LHFPL3: variants seen among roughly 807,000 people sequenced by gnomAD.
LHFPL3 encodes LHFPL tetraspan subfamily member 3.
In LHFPL3, 5 loss-of-function variants were observed where a neutral mutation model predicts 19.3. The ratio of observed to expected loss-of-function variants is 0.26; its 90% CI spans 0.14 to 0.54. LHFPL3 has a LOEUF of 0.54. Among genes scored for constraint, LHFPL3 ranks in the 20% least tolerant of loss-of-function variants. The probability of loss-of-function intolerance (pLI) is 0.94; values close to 1 mark genes in which losing one functional copy is unlikely to be tolerated. For synonymous variants in LHFPL3, 133 were observed against 126.2 expected (o/e 1.05, Z -0.36); for missense variants, 249 against 307.4 (o/e 0.81, Z 1.42).
intron 1 of LHFPL3, among the ~76,000 whole-genome samples, chr7:104,703,493 C>G (rs1184624816): frequency 2.0e-5 from 3 of 152,184 alleles, no homozygotes; most frequent in African/African-American, 7.2e-5. Flanking sequence ...TGGATATCAT[C>G]TTTTGTCAGT....
chr7:104,383,482 G>A (rs1044741731), intron 1 of LHFPL3, among the ~76,000 whole-genome samples: 6 of 152,128 alleles, frequency 3.9e-5, no homozygotes, highest in Admixed American at 2.6e-4. Flanking sequence ...CAAGATCTTC[G>A]GTTTAACAAG....
intron 1 of LHFPL3, among the ~76,000 whole-genome samples, chr7:104,499,459 C>T (rs1793554969): frequency 6.6e-6 from 1 of 152,204 alleles, no homozygotes; most frequent in Non-Finnish European, 1.5e-5. Context: ...TGACCGAGCT[C>T]TTATATTCAA....
intron 1 of LHFPL3, among the ~76,000 whole-genome samples, chr7:104,620,905 C>A (rs182365373): frequency 1.3e-5 from 2 of 152,324 alleles, no homozygotes; most frequent in Admixed American, 6.5e-5. Context: ...GCTGGAGAAC[C>A]AGTTTTGTTT....
At chr7:104,431,051 C>T (rs1325581541) in intron 1 of LHFPL3, among the ~76,000 whole-genome samples, 2 of 152,208 alleles carry the variant, frequency 1.3e-5, no homozygotes, top group Admixed American at 6.5e-5. Flanking sequence ...TGCTCAATTC[C>T]TTCTTATGTA....
At chr7:104,746,455 TG>T (rs1357166226) in intron 2 of LHFPL3, among the ~76,000 whole-genome samples, 1 of 152,200 alleles carries the variant, frequency 6.6e-6, no homozygotes, top group Non-Finnish European at 1.5e-5. Flanking sequence ...TTAACTCCCT[TG>T]TTTTACTGAT....
intron 1 of LHFPL3, among the ~76,000 whole-genome samples, chr7:104,535,227 C>T (rs1165336739): frequency 6.6e-6 from 1 of 152,176 alleles, no homozygotes; most frequent in East Asian, 1.9e-4. Context: ...GGTATTATTT[C>T]ACGTCTCTGG....
intron 1 of LHFPL3, among the ~76,000 whole-genome samples, chr7:104,504,738 T>G (rs1793663927): frequency 6.6e-6 from 1 of 152,236 alleles, no homozygotes; most frequent in Non-Finnish European, 1.5e-5. Context: ...TCTGCCTTAC[T>G]GATGAGACAA....
intron 1 of LHFPL3, among the ~76,000 whole-genome samples, chr7:104,374,456 G>T (rs753461301): frequency 1.2e-4 from 19 of 152,018 alleles, no homozygotes; most frequent in Non-Finnish European, 2.2e-4. Flanking sequence ...TGGCCAGAAT[G>T]GTCTCAATCT....
At chr7:104,401,039 A>C (rs1791303340) in intron 1 of LHFPL3, among the ~76,000 whole-genome samples, 1 of 152,344 alleles carries the variant, frequency 6.6e-6, no homozygotes, top group Non-Finnish European at 1.5e-5. Context: ...GTCAGCTATA[A>C]GGAATGGCCT....
In LHFPL3 at chr7:104,448,827, G is replaced by A. The variant is rs1039892208; in HGVS notation, c.445+119603G>A. 2.6e-5 allele frequency among the ~76,000 whole-genome samples: 4 copies of A among 152,168 alleles called. No individual in the cohort carries two copies. The East Asian group carries it at 5.8e-4, about 22-fold the overall frequency. ...ATGATTTTATAATGTTTAGGCCCTG[G>A]AAAAAATGTTTACTTGATCATTTTA... On this transcript the variant is annotated intron_variant, in intron 1 of 2. Coordinates refer to ENST00000424859, the MANE Select transcript of LHFPL3 (RefSeq NM_199000.3).
chr7:104,355,040 T>C (rs1244949029), intron 1 of LHFPL3, among the ~76,000 whole-genome samples: 1 of 152,206 alleles, frequency 6.6e-6, no homozygotes, highest in Non-Finnish European at 1.5e-5. Flanking sequence ...TTTATGCAAG[T>C]GAATTTTTGT....
chr7:104,435,329 T>A (rs1427244423), intron 1 of LHFPL3, among the ~76,000 whole-genome samples: 2 of 151,882 alleles, frequency 1.3e-5, no homozygotes, highest in African/African-American at 4.8e-5. Context: ...TTATTGTTAT[T>A]TGTTAGACAC....
chr7:104,549,065 T>G (rs1794622419), intron 1 of LHFPL3, among the ~76,000 whole-genome samples: 1 of 151,934 alleles, frequency 6.6e-6, no homozygotes, highest in African/African-American at 2.4e-5. Context: ...CCTCTACAGG[T>G]TGAGATAGGA....
chr7:104,583,467 A>G (rs1269925879), intron 1 of LHFPL3, among the ~76,000 whole-genome samples: 2 of 152,190 alleles, frequency 1.3e-5, no homozygotes, highest in Non-Finnish European at 2.9e-5. Context: ...AATGGGATCT[A>G]ATTAAACTAA....
chr7:104,905,747 C>T (rs1198733006), intron 2 of LHFPL3, among the ~76,000 whole-genome samples: 1 of 152,122 alleles, frequency 6.6e-6, no homozygotes, highest in Non-Finnish European at 1.5e-5. Flanking sequence ...ACAGTTGTGT[C>T]CAAGTGATTA....
In LHFPL3 at chr7:104,908,380, T is replaced by TTTTTATC. The variant is rs1435524154; in HGVS notation, c.*2170_*2176dup. On this transcript the variant is annotated 3_prime_UTR_variant, in exon 3 of 3. Transcript: ENST00000424859. ...TTGTTAATTAAATATAAGAAGTAGGTTTTTATCTTTTTAAAAAAAAAACAA... is the reference window on the plus strand; with the variant it reads ...TTGTTAATTAAATATAAGAAGTAGGTTTTTATCTTTTATCTTTTTAAAAAAAAAACAA... 6.6e-6 allele frequency among the ~76,000 whole-genome samples: 1 copy of TTTTTATC among 152,040 alleles called. No individual in the cohort carries two copies. Among genetic ancestry groups the TTTTTATC allele is most frequent in the Admixed American group, 6.6e-5 (1 of 15,254 alleles).
chr7:104,429,333 G>A (rs1294693668), intron 1 of LHFPL3, among the ~76,000 whole-genome samples: 3 of 120,718 alleles, frequency 2.5e-5, no homozygotes, highest in Non-Finnish European at 3.3e-5. Context: ...TTGAGACAGA[G>A]TTTCTCTCTT....
rs149475143 is a variant in LHFPL3, at chr7:104,583,676, A to G, written c.446-152999A>G. Among the ~76,000 whole-genome samples the G allele has an allele frequency of 3.7e-3, 562 of 152,348 alleles. 3 individuals are homozygous for G. The highest frequency in any genetic ancestry group is 0.012 in the African/African-American group (510 of 41,568). The stretch of plus-strand genomic sequence containing the variant: ...ATGAACAGACACCTCTCAGAAGAAG[A>G]CATTTATACAGCCAAAAAACACATG... On this transcript the variant is annotated intron_variant, in intron 1 of 2. Transcript: ENST00000424859.
chr7:104,761,807 G>A (rs1247908169), intron 2 of LHFPL3, among the ~76,000 whole-genome samples: 1 of 152,076 alleles, frequency 6.6e-6, no homozygotes, highest in African/African-American at 2.4e-5. Flanking sequence ...ACCCATCCTT[G>A]GGATGAAAAG....
Sources: gnomAD v4.1 joint callset for allele counts (sites outside exome capture counted in the v4.1 genomes callset) on GRCh38, gnomAD v4.1.1 for gene constraint, MANE v1.5 for transcripts, NCBI Gene and HGNC (gene_info 2026-07-23, HGNC 2026-07-21) for gene names.